AGPAT4: variants seen among roughly 807,000 people sequenced by gnomAD.
AGPAT4 encodes 1-acyl-sn-glycerol-3-phosphate acyltransferase delta.
AGPAT4 carries 15 observed loss-of-function variants against 48.0 expected under a neutral mutation model. The observed-to-expected ratio is 0.31, with a 90% CI of 0.21 to 0.48. The LOEUF (loss-of-function observed/expected upper bound fraction) is 0.48, where lower values mean the gene tolerates loss of function less well. Ranked by LOEUF, AGPAT4 falls within the 20% of genes least tolerant of loss-of-function variation. The pLI is 0.99. For missense variants in AGPAT4, 314 were observed against 482.5 expected (o/e 0.65, Z 3.27); for synonymous variants, 178 against 198.7 (o/e 0.90, Z 0.88).
At chr6:161,190,324 G>A (rs1780885155) in intron 2 of AGPAT4, among the ~76,000 whole-genome samples, 1 of 152,138 alleles carries the variant, frequency 6.6e-6, no homozygotes, top group Non-Finnish European at 1.5e-5. Flanking sequence ...GAGACTGAAT[G>A]TAAGAGAGTA....
intron 2 of AGPAT4, among the ~76,000 whole-genome samples, chr6:161,186,512 G>A (rs1470716937): frequency 6.6e-6 from 1 of 152,052 alleles, no homozygotes; most frequent in Non-Finnish European, 1.5e-5. Flanking sequence ...ACCACCGCCT[G>A]TCCTCCCTTC....
chr6:161,231,880 A>T lies in AGPAT4; in HGVS notation c.178+156T>A, dbSNP rs1276974728. Among the ~76,000 whole-genome samples the T allele has an allele frequency of 1.3e-5, 2 of 152,152 alleles. No individual in the cohort carries two copies. Among genetic ancestry groups the T allele is most frequent in the African/African-American group, 4.8e-5 (2 of 41,444 alleles). ...TTCATTCAAAAAATAATTTTGGGGG[A>T]TTGAGAACAAAATAGCCATTTCAAA... On this transcript the variant is annotated intron_variant, in intron 2 of 8. Transcript: ENST00000320285. The surrounding 1 kb of genome is among the most constrained non-coding windows in gnomAD (Gnocchi z 5.3).
At chr6:161,163,733 T>C (rs568027958) in intron 3 of AGPAT4, among the ~76,000 whole-genome samples, 21 of 152,298 alleles carry the variant, frequency 1.4e-4, no homozygotes, top group African/African-American at 3.6e-4. Context: ...CTGTGGTGTT[T>C]GGAGAAGAGA....
At chr6:161,241,487 TAA>T (rs1782489424) in intron 1 of AGPAT4, among the ~76,000 whole-genome samples, 1 of 152,182 alleles carries the variant, frequency 6.6e-6, no homozygotes, top group African/African-American at 2.4e-5. Context: ...TCTTGCATGA[TAA>T]AAAGTCAGGT....
rs186085553 is a variant in AGPAT4 at position 161,140,556 on chromosome 6, G to A, written c.844-936C>T. Among the ~76,000 whole-genome samples, 145 of 150,948 alleles carry A rather than the reference G, an allele frequency of 9.6e-4. 1 individual carries two copies. In the East Asian group the frequency reaches 0.022, roughly 23 times the overall value. ...GGGTGTCTCATGTCACGGAGCTCCC[G>A]CTCAGGGACTGGGGCTCAGCCGCAA... On this transcript the variant is annotated intron_variant, in intron 7 of 8. Transcript: ENST00000320285. The surrounding 1 kb of genome is among the most constrained non-coding windows in gnomAD (Gnocchi z 6.5).
chr6:161,208,615 T>C lies in AGPAT4; in HGVS notation c.178+23421A>G, dbSNP rs1299008592. ...AAAATACTTGCAATGAACAACTTGG[T>C]TAAAAAAAGGTAACTATCATTCATC... On this transcript the variant is annotated intron_variant, in intron 2 of 8. Transcript: ENST00000320285. This position sits in a 1 kb window ranked among gnomAD's most constrained non-coding sequence, Gnocchi z 4.6. Among the ~76,000 whole-genome samples the C allele has an allele frequency of 6.6e-6, 1 of 152,030 alleles. No homozygotes were observed. Among genetic ancestry groups the C allele is most frequent in the Non-Finnish European group, 1.5e-5 (1 of 67,996 alleles).
intron 5 of AGPAT4, among the ~76,000 whole-genome samples, chr6:161,151,552 G>A (rs1361834668): frequency 6.6e-6 from 1 of 152,254 alleles, no homozygotes; most frequent in Non-Finnish European, 1.5e-5. Context: ...TGCAGTGGGA[G>A]GCAGGGGGCC....
rs1039234971 is a variant in AGPAT4 at position 161,178,999 on chromosome 6, G to A, written c.179-12582C>T. On this transcript the variant is annotated intron_variant, in intron 2 of 8. Coordinates refer to ENST00000320285, the MANE Select transcript of AGPAT4 (RefSeq NM_020133.3). This position sits in a 1 kb window ranked among gnomAD's most constrained non-coding sequence, Gnocchi z 5.1. ...TTCCTCAGGGTGATGACCGGAGAGG[G>A]TGCAGAACGCAGTAGGTGACCTCTG... Among the ~76,000 whole-genome samples, 11 of 152,170 alleles carry A rather than the reference G, an allele frequency of 7.2e-5. No homozygotes were observed. Among genetic ancestry groups the A allele is most frequent in the African/African-American group, 2.7e-4 (11 of 41,430 alleles).
rs71542999 is a variant in AGPAT4, at chr6:161,215,707, T to TAA, written c.178+16327_178+16328dup. ...CACAGTAGAATAACCTCCCTTACCA[T>TAA]AAAAAAAAAAAAAAAGAAAACACAA... On this transcript the variant is annotated intron_variant, in intron 2 of 8. Transcript: ENST00000320285. This position sits in a 1 kb window ranked among gnomAD's most constrained non-coding sequence, Gnocchi z 4.5. Among the ~76,000 whole-genome samples, 216 of 124,890 alleles carry TAA rather than the reference T, an allele frequency of 1.7e-3. 1 individual carries two copies. The highest frequency in any genetic ancestry group is 5.9e-3 in the African/African-American group (198 of 33,674). The allele number at this position is 124,890 out of a possible 152,430, so 81.9% of individuals were successfully genotyped here. A position where few individuals can be genotyped will look rare whatever the true frequency, so the allele number is the denominator to read the frequency against.
At chr6:161,203,709 T>C (rs547325387) in intron 2 of AGPAT4, among the ~76,000 whole-genome samples, 1 of 152,270 alleles carries the variant, frequency 6.6e-6, no homozygotes, top group African/African-American at 2.4e-5. Context: ...GTGCTGGGAT[T>C]ACAGGTGTGA....
chr6:161,210,958 T>C (rs966062829), intron 2 of AGPAT4, among the ~76,000 whole-genome samples: 2 of 152,212 alleles, frequency 1.3e-5, no homozygotes, highest in Admixed American at 1.3e-4. Context: ...GCAGTAAAAT[T>C]TGTTATCATC....
intron 5 of AGPAT4, among the ~76,000 whole-genome samples, chr6:161,151,334 C>T (rs1007373155): frequency 5.3e-5 from 8 of 152,230 alleles, no homozygotes; most frequent in Non-Finnish European, 8.8e-5. Flanking sequence ...GCGTGCCAGA[C>T]GCGCCCGAGA....
chr6:161,194,618 A>G (rs1781018222), intron 2 of AGPAT4, among the ~76,000 whole-genome samples: 1 of 149,276 alleles, frequency 6.7e-6, no homozygotes, highest in African/African-American at 2.5e-5. Flanking sequence ...ATGTATGTGT[A>G]CATGTGTGTA....
In AGPAT4 at chr6:161,164,349, C is replaced by T. The variant is rs7771280; in HGVS notation, c.348+1899G>A. 9.0e-3 allele frequency among the ~76,000 whole-genome samples: 1,373 copies of T among 152,312 alleles called. 20 individuals are homozygous for T. The highest frequency in any genetic ancestry group is 0.032 in the African/African-American group (1,315 of 41,558). Reference sequence around the variant, plus strand: ...GCTTCTCCAGCATCTCTGTGCATGACCCTGCTCTGCCAGCTCCTGCAACTC... The same window carrying T: ...GCTTCTCCAGCATCTCTGTGCATGATCCTGCTCTGCCAGCTCCTGCAACTC... On this transcript the variant is annotated intron_variant, in intron 3 of 8. Transcript: ENST00000320285. This position sits in a 1 kb window ranked among gnomAD's most constrained non-coding sequence, Gnocchi z 7.4.
Position 161,143,453 on chromosome 6 carries a change from C to G in AGPAT4, c.843+3071G>C, listed in dbSNP as rs1212547700. On this transcript the variant is annotated intron_variant, in intron 7 of 8. Transcript: ENST00000320285. This position sits in a 1 kb window ranked among gnomAD's most constrained non-coding sequence, Gnocchi z 4.7. Reference sequence around the variant, plus strand: ...CCCTTCTGCAAATGTCAAATTACAACCTGAAGAAGTACTTTAAGTTAGAAA... The same window carrying G: ...CCCTTCTGCAAATGTCAAATTACAAGCTGAAGAAGTACTTTAAGTTAGAAA... Among the ~76,000 whole-genome samples the G allele has an allele frequency of 6.6e-6, 1 of 152,142 alleles. No homozygotes were observed. The highest frequency in any genetic ancestry group is 1.5e-5 in the Non-Finnish European group (1 of 68,036).
At position 161,264,712 on chromosome 6, in the gene AGPAT4, C is replaced by A. The variant is rs116454320; in HGVS notation, c.-90+9226G>T. 2.6e-5 allele frequency among the ~76,000 whole-genome samples: 4 copies of A among 152,128 alleles called. No individual in the cohort carries two copies. In the East Asian group the frequency reaches 7.7e-4, roughly 29 times the overall value. Reference sequence around the variant, plus strand: ...CTGAATGCACGGGCTCCCTAAGAAACGCTGAAAGGGGATTCTGGAGTTGGG... The same window carrying A: ...CTGAATGCACGGGCTCCCTAAGAAAAGCTGAAAGGGGATTCTGGAGTTGGG... On this transcript the variant is annotated intron_variant, in intron 1 of 8. Transcript: ENST00000320285. The surrounding 1 kb of genome is among the most constrained non-coding windows in gnomAD (Gnocchi z 6.8).
At chr6:161,210,128 A>G (rs1366411860) in intron 2 of AGPAT4, among the ~76,000 whole-genome samples, 3 of 152,174 alleles carry the variant, frequency 2.0e-5, no homozygotes, top group African/African-American at 7.2e-5. Flanking sequence ...CAGAGTTCAG[A>G]GATCCAGTTA....
In AGPAT4 at chr6:161,132,618, CAGAA is replaced by C. The variant is rs1164142046; in HGVS notation, c.*3918_*3921del. The stretch of plus-strand genomic sequence containing the variant: ...AAGGCGTGACTAGGACCAGAAGAAT[CAGAA>C]AGCATGGTGGAGTCCGAAAGCATTG... On this transcript the variant is annotated 3_prime_UTR_variant, in exon 9 of 9. Coordinates refer to ENST00000320285, the MANE Select transcript of AGPAT4 (RefSeq NM_020133.3). 6.6e-6 allele frequency: 1 copy of C among 152,320 alleles called. No homozygotes were observed. The highest frequency in any genetic ancestry group is 6.5e-5 in the Admixed American group (1 of 15,292). The allele number at this position is 152,320 out of a possible 1,614,324, so 9.4% of individuals were successfully genotyped here.
At chr6:161,191,995 T>C (rs1458890042) in intron 2 of AGPAT4, among the ~76,000 whole-genome samples, 1 of 151,910 alleles carries the variant, frequency 6.6e-6, no homozygotes, top group East Asian at 1.9e-4. Flanking sequence ...GAGGTGTAAC[T>C]GTTCTTGGAT....
Sources: allele counts gnomAD v4.1 joint callset (sites outside exome capture counted in the v4.1 genomes callset), GRCh38; gene constraint gnomAD v4.1.1; non-coding constraint Gnocchi (gnomAD v3.1); transcripts MANE v1.5; gene names NCBI Gene and HGNC (gene_info 2026-07-23, HGNC 2026-07-21).